PLCG2: variants seen among roughly 807,000 people sequenced by gnomAD.
PLCG2 encodes 1-phosphatidylinositol 4,5-bisphosphate phosphodiesterase gamma-2.
PLCG2 carries 69 observed loss-of-function variants against 175.6 expected under a neutral mutation model. The observed-to-expected ratio is 0.39, with a 90% CI of 0.32 to 0.48. PLCG2 has a LOEUF of 0.48. Among genes scored for constraint, PLCG2 ranks in the 20% least tolerant of loss-of-function variants. The probability of loss-of-function intolerance (pLI) is 0.91; values close to 1 mark genes in which losing one functional copy is unlikely to be tolerated. For synonymous variants in PLCG2, 827 were observed against 624.0 expected (o/e 1.33, Z -4.85); for missense variants, 1,798 against 1,650.9 (o/e 1.09, Z -1.54).
chr16:81,784,989 T>A (rs949312859), intron 1 of PLCG2, among the ~76,000 whole-genome samples: 1 of 152,098 alleles, frequency 6.6e-6, no homozygotes, highest in African/African-American at 2.4e-5. Context: ...CATGATTTGA[T>A]TCATGTTCTA....
At chr16:81,907,865 C>G in intron 16 of PLCG2, 91 bp downstream of exon 16, 1 of 838,456 alleles carries the variant, frequency 1.2e-6, no homozygotes, top group South Asian at 1.5e-5. Flanking sequence ...TGTGGCTTCT[C>G]TGGCCGGCTG....
At chr16:81,764,592 G>C (rs914888480) in intron 2 of PLCG2, among the ~76,000 whole-genome samples, 1 of 152,218 alleles carries the variant, frequency 6.6e-6, no homozygotes, top group Non-Finnish European at 1.5e-5. Flanking sequence ...TCAGCCACAG[G>C]CTGAACACTG....
chr16:81,931,166 G>T, intron 24 of PLCG2: 1 of 174,278 alleles, frequency 5.7e-6, no homozygotes, highest in Non-Finnish European at 1.2e-5. Flanking sequence ...ACTCATACTT[G>T]TTGGATGTTG....
Position 81,927,199 on chromosome 16 carries a change from C to G in PLCG2, c.2514+21C>G, listed in dbSNP as rs143637627. 151 of 1,529,124 alleles carry G rather than the reference C, an allele frequency of 9.9e-5. 1 individual carries two copies. The South Asian group carries it at 1.6e-3, about 16-fold the overall frequency. The allele number at this position is 1,529,124 out of a possible 1,614,324, so 94.7% of individuals were successfully genotyped here. ...AGCAGGTGAGTCCCCCTCTTCGATCCTCTTACAGGAAGAAGGGATCTGCAG... is the reference window on the plus strand; with the variant it reads ...AGCAGGTGAGTCCCCCTCTTCGATCGTCTTACAGGAAGAAGGGATCTGCAG... On this transcript the variant is annotated intron_variant, in intron 23 of 32. Coordinates refer to ENST00000564138, the MANE Select transcript of PLCG2 (RefSeq NM_002661.5).
At chr16:81,948,558 G>C (rs76266568) in intron 31 of PLCG2, among the ~76,000 whole-genome samples, 1,548 of 152,286 alleles carry the variant, frequency 0.01, 32 homozygotes, top group African/African-American at 0.035. Flanking sequence ...GCTTATCCTA[G>C]AGCAGATGCT....
At chr16:81,768,513 G>T (rs1910201024) in intron 2 of PLCG2, among the ~76,000 whole-genome samples, 1 of 148,794 alleles carries the variant, frequency 6.7e-6, no homozygotes, top group Non-Finnish European at 1.5e-5. Context: ...ATTTCCACCA[G>T]TGGATCCACA....
At chr16:81,905,914 C>A (rs1008630916) in intron 15 of PLCG2, among the ~76,000 whole-genome samples, 2 of 152,202 alleles carry the variant, frequency 1.3e-5, no homozygotes, top group Non-Finnish European at 2.9e-5. Context: ...CCCACCTTGG[C>A]CTCTCAAAGT....
chr16:81,817,701 G>C (rs1195621094), intron 2 of PLCG2, among the ~76,000 whole-genome samples: 10 of 152,152 alleles, frequency 6.6e-5, no homozygotes, highest in Admixed American at 4.6e-4. Context: ...GCCCAGGCTG[G>C]TCTAAAACTC....
At chr16:81,905,606 C>A in intron 15 of PLCG2, 99 bp downstream of exon 15, 1 of 722,360 alleles carries the variant, frequency 1.4e-6, no homozygotes, top group Non-Finnish European at 2.4e-6. Context: ...TGTCTTGTTC[C>A]CATTTTTAGT....
At chr16:81,809,055 G>C (rs1193419357) in intron 2 of PLCG2, among the ~76,000 whole-genome samples, 1 of 152,186 alleles carries the variant, frequency 6.6e-6, no homozygotes, top group Admixed American at 6.5e-5. Flanking sequence ...TGTGTGTTCT[G>C]AGTAGCTCAT....
intron 2 of PLCG2, among the ~76,000 whole-genome samples, chr16:81,827,425 G>A (rs1303529144): frequency 6.6e-6 from 1 of 152,036 alleles, no homozygotes; most frequent in African/African-American, 2.4e-5. Context: ...CTAGGCTCAA[G>A]GAGTTCACCT....
Position 81,858,317 on chromosome 16 carries a change from A to T in PLCG2, c.392A>T (p.Gln131Leu). The T allele has an allele frequency of 1.2e-6, 2 of 1,614,114 alleles. No homozygotes were observed. The highest frequency in any genetic ancestry group is 1.3e-5 in the African/African-American group (1 of 75,056). Residue 131 changes from glutamine to leucine, a missense_variant, in exon 4 of 33, where the codon CAG becomes CTG. Transcript: ENST00000564138. The part of the protein sequence containing the change: ...NWLSGLKILH[Q>L]EAMNASTPTI... The stretch of plus-strand genomic sequence containing the variant: ...CTCTCTGGCTTGAAAATCTTACACC[A>T]GGAAGCGATGAATGCGTCCACGCCC...
intron 2 of PLCG2, among the ~76,000 whole-genome samples, chr16:81,792,753 G>A (rs1911296627): frequency 6.6e-6 from 1 of 152,032 alleles, no homozygotes; most frequent in Admixed American, 6.6e-5. Context: ...AGAACAGCAT[G>A]GAGGTAACCG....
At chr16:81,920,899 G>A (rs1036295882) in intron 20 of PLCG2, among the ~76,000 whole-genome samples, 22 of 152,174 alleles carry the variant, frequency 1.4e-4, no homozygotes, top group Admixed American at 1.1e-3. Flanking sequence ...TTTGTGAGCC[G>A]GGAGGTCACT....
At position 81,906,635 on chromosome 16, in the gene PLCG2, G is replaced by C. The variant is rs372632086; in HGVS notation, c.1468-1050G>C. On this transcript the variant is annotated intron_variant, in intron 15 of 32. Transcript: ENST00000564138. ...GATAGTGTTTCGCCATGTTGGCCAG[G>C]CTGGTCTTGAACTCCTGATCTCAAG... 3.3e-4 allele frequency among the ~76,000 whole-genome samples: 50 copies of C among 152,274 alleles called. 1 individual carries two copies. The East Asian group carries it at 9.1e-3, about 28-fold the overall frequency.
intron 2 of PLCG2, among the ~76,000 whole-genome samples, chr16:81,839,985 A>G (rs1905734356): frequency 6.6e-6 from 1 of 152,216 alleles, no homozygotes. Context: ...TGAGCCTACG[A>G]GTTCAAGGAT....
Position 81,946,189 on chromosome 16 carries a change from C to T in PLCG2, c.3496C>T (p.Pro1166Ser), listed in dbSNP as rs374517633. The T allele has an allele frequency of 6.2e-7, 1 of 1,613,524 alleles. No individual in the cohort carries two copies. Among genetic ancestry groups the T allele is most frequent in the Non-Finnish European group, 8.5e-7 (1 of 1,179,488 alleles). ...TTCTGCTTCAGGATTCAGGTCCGTT[C>T]CTCTGAAGAATGGGTACAGCGAGGA... ...KAVKSGFRSV[P>S]LKNGYSEDIE... is the part of the protein sequence containing the mutation. Residue 1166 changes from proline to serine, a missense_variant, in exon 31 of 33, where the codon CCT becomes TCT. Physicochemically the swap from Pro to Ser is moderately conservative, Grantham distance 74. Coordinates refer to ENST00000564138, the MANE Select transcript of PLCG2 (RefSeq NM_002661.5).
chr16:81,926,988 T>C (rs1910300525), intron 22 of PLCG2, 94 bp from the exon 23 acceptor site: 2 of 795,412 alleles, frequency 2.5e-6, no homozygotes, highest in Middle Eastern at 5.8e-4. Flanking sequence ...TCTGTCCCCA[T>C]CAGAATTGAG....
chr16:81,881,378 G>A (rs1174609626), intron 8 of PLCG2, among the ~76,000 whole-genome samples: 4 of 152,184 alleles, frequency 2.6e-5, no homozygotes, highest in Non-Finnish European at 5.9e-5. Flanking sequence ...CACCCATGAG[G>A]GGCTGATAGA....
Sources: gnomAD v4.1 joint callset for allele counts (sites outside exome capture counted in the v4.1 genomes callset) on GRCh38, gnomAD v4.1.1 for gene constraint, MANE v1.5 for transcripts, NCBI Gene and HGNC (gene_info 2026-07-23, HGNC 2026-07-21) for gene names.